SEC14L1: variants seen among roughly 807,000 people sequenced by gnomAD.
SEC14L1 encodes the protein SEC14 like lipid binding 1, also known as SEC14-like protein 1.
SEC14L1 carries 48 observed loss-of-function variants against 85.3 expected under a neutral mutation model. The ratio of observed to expected loss-of-function variants is 0.56; its 90% confidence interval spans 0.45 to 0.72. The LOEUF is 0.72. Ranked by LOEUF, SEC14L1 falls within the 30% of genes least tolerant of loss-of-function variation. SEC14L1 has a pLI of 0.00. For missense variants in SEC14L1, 682 were observed against 921.4 expected, an observed-to-expected ratio of 0.74 and a Z score of 3.36; for synonymous variants, 391 against 355.5, an observed-to-expected ratio of 1.10 and a Z score of -1.12.
At chr17:77,169,242 G>A (rs1315745292) in intron 3 of SEC14L1, among the ~76,000 whole-genome samples, 1 of 152,106 alleles carries the variant, frequency 6.6e-6, no homozygotes, top group Non-Finnish European at 1.5e-5. Flanking sequence ...TTAGGTCTCC[G>A]AGGGACGTTA....
chr17:77,204,639 A>G (rs1031869843), intron 10 of SEC14L1, among the ~76,000 whole-genome samples: 1 of 151,176 alleles, frequency 6.6e-6, no homozygotes, highest in Non-Finnish European at 1.5e-5. Flanking sequence ...TGCAGCTTCA[A>G]ACTGCTGTCC....
Position 77,118,736 on chromosome 17 carries a change from C to T in SEC14L1, c.-135-23910C>T, listed in dbSNP as rs535231365. 5.3e-5 allele frequency among the ~76,000 whole-genome samples: 8 copies of T among 152,308 alleles called. No homozygotes were observed. The South Asian group carries it at 1.2e-3, about 24-fold the overall frequency. On this transcript the variant is annotated intron_variant, in intron 3 of 19. Coordinates refer to the SEC14L1 transcript ENST00000392476. The stretch of plus-strand genomic sequence containing the variant: ...TAATTGTTCAGATGTTCGTAGCAGG[C>T]GTGCATGCAGGCGGTGCACCTAGAA...
rs191329490 is a variant in SEC14L1 at position 77,155,301 on chromosome 17, C to A, written c.63+11642C>A. Reference sequence around the variant, plus strand: ...CTCTTGCCTGCGCAAAAAACACACACCCCAACAGAAACAAACACACACCCA... The same window carrying A: ...CTCTTGCCTGCGCAAAAAACACACAACCCAACAGAAACAAACACACACCCA... On this transcript the variant is annotated intron_variant, in intron 3 of 16. Coordinates refer to ENST00000436233, the MANE Select transcript of SEC14L1 (RefSeq NM_001143998.2). Among the ~76,000 whole-genome samples the A allele has an allele frequency of 1.6e-3, 240 of 152,276 alleles. 2 individuals carry two copies. The highest frequency in any genetic ancestry group is 5.5e-3 in the African/African-American group (229 of 41,544).
chr17:77,141,841 C>G (rs1033293987), intron 1 of SEC14L1: 1 of 152,204 alleles, frequency 6.6e-6, no homozygotes, highest in African/African-American at 2.4e-5. Context: ...TTATCGTCCT[C>G]ATATCTGGGA....
At chr17:77,195,405 G>A (rs1320790791) in intron 7 of SEC14L1, among the ~76,000 whole-genome samples, 8 of 151,838 alleles carry the variant, frequency 5.3e-5, no homozygotes, top group East Asian at 1.9e-4. Context: ...TGCAACCTCC[G>A]TCTCCCGGGT....
At chr17:77,152,529 C>G (rs75056819) in intron 3 of SEC14L1, 1 of 98,954 alleles carries the variant, frequency 1.0e-5, no homozygotes, top group Non-Finnish European at 2.2e-5. Flanking sequence ...GAGCGAGACT[C>G]CGTCTCAAAA....
intron 3 of SEC14L1, among the ~76,000 whole-genome samples, chr17:77,131,477 C>T (rs2143447469): frequency 6.6e-6 from 1 of 152,240 alleles, no homozygotes; most frequent in Admixed American, 6.5e-5. Flanking sequence ...ACCATGTTGG[C>T]CAGGCTGGTC....
intron 3 of SEC14L1, among the ~76,000 whole-genome samples, chr17:77,167,504 CT>C (rs1974337682): frequency 6.6e-6 from 1 of 152,114 alleles, no homozygotes. Context: ...GCTTTTGTTT[CT>C]TTTTTTCATG....
At position 77,142,642 on chromosome 17, in the gene SEC14L1, A is replaced by G. The variant is rs78868630; in HGVS notation, c.-135-4A>G. The G allele has an allele frequency of 1.3e-5, 2 of 150,546 alleles. No individual in the cohort carries two copies. Among genetic ancestry groups the G allele is most frequent in the African/African-American group, 4.9e-5 (2 of 40,956 alleles). 9.3% of individuals were successfully genotyped at this position (150,546 alleles called of 1,614,324 possible). ...AATTTGTCTCTCTCTTTTTTTTTTA[A>G]CAGCTAGACTTCGGGCTCCTTGAGG... On this transcript the variant is annotated splice_polypyrimidine_tract_variant and splice_region_variant and intron_variant, in intron 1 of 16. Transcript: ENST00000436233.
At chr17:77,097,908 G>A (rs1266714686) in intron 3 of SEC14L1, among the ~76,000 whole-genome samples, 2 of 152,118 alleles carry the variant, frequency 1.3e-5, no homozygotes, top group African/African-American at 2.4e-5. Context: ...GGAGGAGCAC[G>A]GGATGGGGTT....
In SEC14L1 at chr17:77,213,975, C is replaced by T; in HGVS notation, c.2100C>T (p.Ala700=). ...SHSGFSQLSA[A]TTSSSQSHSS... is the part of the protein sequence containing the mutation. ...GCGGCTTCTCCCAGCTGAGTGCCGC[C>T]ACCACCTCCTCCAGCCAGTCCCACT... is the stretch of plus-strand genomic sequence containing the variant. The change falls in exon 17 of 17, where the codon GCC becomes GCT. Residue 700 remains alanine (A), a synonymous_variant. Coordinates refer to ENST00000436233, the MANE Select transcript of SEC14L1 (RefSeq NM_001143998.2). The surrounding 1 kb of genome is among the most constrained non-coding windows in gnomAD (Gnocchi z 7.1). 2.5e-6 allele frequency: 4 copies of T among 1,613,448 alleles called. No individual in the cohort carries two copies. The highest frequency in any genetic ancestry group is 3.4e-6 in the Non-Finnish European group (4 of 1,179,952).
intron 3 of SEC14L1, chr17:77,185,455 T>A: frequency 1.1e-6 from 1 of 923,556 alleles, no homozygotes; most frequent in Non-Finnish European, 1.3e-6. Flanking sequence ...ACGTTTTTAG[T>A]GTGGTTGAAA....
chr17:77,209,404 G>A lies in SEC14L1; in HGVS notation c.1539G>A (p.Glu513=), dbSNP rs756976977. The stretch of plus-strand genomic sequence containing the variant: ...TGTACCGGACTGCAGAGGAGCTGGA[G>A]AACGAAGACCTGAAGCTCTGGACTG... ...KSLYRTAEEL[E]NEDLKLWTET... is the part of the protein sequence containing the mutation. The change falls in exon 14 of 17, where the codon GAG becomes GAA. Residue 513 remains glutamate, a synonymous_variant. Coordinates refer to ENST00000436233, the MANE Select transcript of SEC14L1 (RefSeq NM_001143998.2). The A allele has an allele frequency of 1.4e-5, 22 of 1,614,194 alleles. No individual in the cohort carries two copies. In the East Asian group the frequency reaches 4.5e-4, roughly 33 times the overall value.
chr17:77,169,298 A>G (rs1974428265), intron 3 of SEC14L1, among the ~76,000 whole-genome samples: 1 of 152,182 alleles, frequency 6.6e-6, no homozygotes, highest in African/African-American at 2.4e-5. Context: ...AAATTAAATC[A>G]GAAGCTGGAG....
intron 3 of SEC14L1, among the ~76,000 whole-genome samples, chr17:77,169,155 C>T (rs1469378937): frequency 6.6e-6 from 1 of 151,838 alleles, no homozygotes; most frequent in Non-Finnish European, 1.5e-5. Context: ...GCAGTACCAC[C>T]ATACATTTGC....
chr17:77,098,947 GT>G (rs2143304181), intron 3 of SEC14L1: 1 of 152,250 alleles, frequency 6.6e-6, no homozygotes, highest in African/African-American at 2.4e-5. Context: ...ATAGAAGCCT[GT>G]TTGGGTTTGA....
At chr17:77,106,652 G>A (rs1030581923) in intron 3 of SEC14L1, among the ~76,000 whole-genome samples, 17 of 151,668 alleles carry the variant, frequency 1.1e-4, no homozygotes, top group African/African-American at 4.1e-4. Context: ...GCAACACAGC[G>A]AGACTCCATC....
chr17:77,126,963 T>TTC (rs1421942566), intron 3 of SEC14L1, among the ~76,000 whole-genome samples: 4 of 151,718 alleles, frequency 2.6e-5, no homozygotes, highest in East Asian at 3.9e-4. Context: ...TTTCTTTTTT[T>TTC]TCTCTCTCTC....
At chr17:77,196,889 A>G (rs556835653) in intron 8 of SEC14L1, among the ~76,000 whole-genome samples, 54 of 152,360 alleles carry the variant, frequency 3.5e-4, no homozygotes, top group Admixed American at 8.5e-4. Context: ...CACTGCAGTG[A>G]TGATGGCCAC....
Sources: allele counts gnomAD v4.1 joint callset (sites outside exome capture counted in the v4.1 genomes callset), GRCh38; gene constraint gnomAD v4.1.1; non-coding constraint Gnocchi (gnomAD v3.1); transcripts MANE v1.5; gene names NCBI Gene and HGNC (gene_info 2026-07-23, HGNC 2026-07-21).